PLA2G4F: variants seen among roughly 807,000 people sequenced by gnomAD.
PLA2G4F encodes cytosolic phospholipase A2 zeta.
A neutral mutation model predicts 103.1 loss-of-function variants in PLA2G4F; 105 were observed. That is an observed-to-expected ratio of 1.02 (90% CI 0.87 to 1.20). PLA2G4F has a LOEUF of 1.20. Ranked by LOEUF, PLA2G4F falls within the 50% of genes most tolerant of loss-of-function variation. The probability of loss-of-function intolerance (pLI) is 0.00; values close to 1 mark genes in which losing one functional copy is unlikely to be tolerated. For synonymous variants in PLA2G4F, 468 were observed against 441.1 expected (o/e 1.06, Z -0.76); for missense variants, 1,155 against 1,075.9 (o/e 1.07, Z -1.03).
rs767731432 is a variant in PLA2G4F at position 42,147,666 on chromosome 15, C to A, written c.1156G>T (p.Asp386Tyr). The change falls in exon 12 of 20, where the codon GAC (aspartate) becomes TAC (tyrosine). Residue 386 changes from aspartate to tyrosine, a missense_variant. Asp to Tyr is a radical substitution (Grantham distance 160, BLOSUM62 -3). Transcript: ENST00000397272. The part of the protein sequence containing the change: ...LAGLQELGLL[D>Y]TVTYLSGVSG... ...ACCCCACTCAGGTAGGTCACAGTGT[C>A]TAGAAGGCCGAGCTCCTGCAACCCT... The A allele has an allele frequency of 6.2e-6, 10 of 1,614,110 alleles. No homozygotes were observed. The South Asian group carries it at 1.1e-4, about 18-fold the overall frequency.
rs749054417 is a variant in PLA2G4F at position 42,155,588 on chromosome 15, C to G, written c.113G>C (p.Arg38Pro). Reference protein sequence around the residue: ...KRGPLWRHWRRETYPYYDLQV... With the variant: ...KRGPLWRHWRPETYPYYDLQV... ...GAGGTCATAGTATGGGTAGGTTTCC[C>G]GCTGCAATAACAGAACTCCAGGGAC... Residue 38 changes from arginine to proline, a missense_variant and splice_region_variant, in exon 2 of 20, where the codon CGG becomes CCG. Arg to Pro is a moderately radical substitution (Grantham distance 103). Coordinates refer to ENST00000397272, the MANE Select transcript of PLA2G4F (RefSeq NM_213600.4). 6.2e-7 allele frequency: 1 copy of G among 1,613,884 alleles called. No homozygotes were observed. Among genetic ancestry groups the G allele is most frequent in the Non-Finnish European group, 8.5e-7 (1 of 1,179,812 alleles).
chr15:42,144,410 G>C, intron 17 of PLA2G4F, 40 bp downstream of exon 17: 1 of 1,604,058 alleles, frequency 6.2e-7, no homozygotes, highest in Non-Finnish European at 8.5e-7. Flanking sequence ...GTGCAGGCAG[G>C]AAGGGAAGCC....
rs376356935 is a variant in PLA2G4F, at chr15:42,140,989, G to A, written c.*995C>T. 1 of 340,534 alleles carries A rather than the reference G, an allele frequency of 2.9e-6. No individual in the cohort carries two copies. Among genetic ancestry groups the A allele is most frequent in the Admixed American group, 3.8e-5 (1 of 26,358 alleles). The allele number at this position is 340,534 out of a possible 1,614,324, so 21.1% of individuals were successfully genotyped here. A position where few individuals can be genotyped will look rare whatever the true frequency, so the allele number is the denominator to read the frequency against. On this transcript the variant is annotated 3_prime_UTR_variant, in exon 20 of 20. Coordinates refer to ENST00000397272, the MANE Select transcript of PLA2G4F (RefSeq NM_213600.4). The stretch of plus-strand genomic sequence containing the variant: ...TATTTGGAGAGTCCCTGGCGGGTCA[G>A]GGGAAATGGAGAAGAGGGAGAGTGA...
intron 19 of PLA2G4F, 86 bp from the exon 20 acceptor site, chr15:42,142,290 G>A (rs1199178307): frequency 4.5e-6 from 6 of 1,344,828 alleles, no homozygotes; most frequent in Non-Finnish European, 6.1e-6. Context: ...CCTTGTGCAG[G>A]ACACCTGGCT....
At position 42,151,612 on chromosome 15, in the gene PLA2G4F, C is replaced by T. The variant is rs1049452514; in HGVS notation, c.602-835G>A. 12 of 985,218 alleles carry T rather than the reference C, an allele frequency of 1.2e-5. No individual in the cohort carries two copies. The African/African-American group carries it at 2.1e-4, about 17-fold the overall frequency. 61.0% of individuals were successfully genotyped at this position (985,218 alleles called of 1,614,324 possible). A position where few individuals can be genotyped will look rare whatever the true frequency, so the allele number is the denominator to read the frequency against. ...CAGAGGAGTCCCTGCCCTACAGCCC[C>T]TCCTTGCACTAGATGAGGCCCGGAG... On this transcript the variant is annotated intron_variant, in intron 7 of 19. Transcript: ENST00000397272.
chr15:42,141,794 C>G lies in PLA2G4F; in HGVS notation c.*190G>C. Reference sequence around the variant, plus strand: ...ACTGCCCATCTTCTCCAAAAACACACAAGGAGAGCCCTGCCCCAGTCCAAG... The same window carrying G: ...ACTGCCCATCTTCTCCAAAAACACAGAAGGAGAGCCCTGCCCCAGTCCAAG... On this transcript the variant is annotated 3_prime_UTR_variant, in exon 20 of 20. Transcript: ENST00000397272. The G allele has an allele frequency of 1.6e-6, 1 of 636,842 alleles. No individual in the cohort carries two copies. The highest frequency in any genetic ancestry group is 2.8e-6 in the Non-Finnish European group (1 of 360,766). The allele number at this position is 636,842 out of a possible 1,614,324, so 39.4% of individuals were successfully genotyped here. A position where few individuals can be genotyped will look rare whatever the true frequency, so the allele number is the denominator to read the frequency against.
chr15:42,148,047 T>C (rs929363858), intron 11 of PLA2G4F, among the ~76,000 whole-genome samples: 1 of 151,928 alleles, frequency 6.6e-6, no homozygotes, highest in Admixed American at 6.6e-5. Context: ...GGCATGGTGG[T>C]GGGCGCCTGC....
Position 42,147,358 on chromosome 15 carries a change from AGGTGT to A in PLA2G4F, c.1197-17_1197-13del. 6.2e-7 allele frequency: 1 copy of A among 1,601,036 alleles called. No homozygotes were observed. Among genetic ancestry groups the A allele is most frequent in the South Asian group, 1.1e-5 (1 of 90,908 alleles). On this transcript the variant is annotated splice_polypyrimidine_tract_variant and intron_variant, in intron 12 of 19. Coordinates refer to ENST00000397272, the MANE Select transcript of PLA2G4F (RefSeq NM_213600.4). ...GTGTGGAGATGCACCTGGGGATTGG[AGGTGT>A]GCCTGAGTCAGGGGCAGGAGAGCAC... is the stretch of plus-strand genomic sequence containing the variant.
chr15:42,146,184 A>T lies in PLA2G4F; in HGVS notation c.1477T>A (p.Tyr493Asn). 2 of 1,614,236 alleles carry T rather than the reference A, an allele frequency of 1.2e-6. No individual in the cohort carries two copies. Among genetic ancestry groups the T allele is most frequent in the Non-Finnish European group, 1.7e-6 (2 of 1,180,048 alleles). ...QEAVRQGQNP[Y>N]PIYTSVNVRT... ...ACGTTGACACTGGTGTAAATGGGGT[A>T]AGGGTTCTGACCCTGGCGGACCGCC... The change falls in exon 14 of 20, where the codon TAC (tyrosine) becomes AAC (asparagine). Residue 493 changes from tyrosine to asparagine, a missense_variant. Tyr to Asn is a moderately radical substitution (Grantham distance 143, BLOSUM62 -2). Around this residue, in one of 3 missense-constraint regions of PLA2G4F, gnomAD observed 782 missense variants for 692.9 expected, o/e 1.13. Coordinates refer to ENST00000397272, the MANE Select transcript of PLA2G4F (RefSeq NM_213600.4).
In PLA2G4F at chr15:42,155,588, C is replaced by T. The variant is rs749054417; in HGVS notation, c.113G>A (p.Arg38Gln). ...KRGPLWRHWRRETYPYYDLQV... is the reference protein window; with the variant it reads ...KRGPLWRHWRQETYPYYDLQV... ...GAGGTCATAGTATGGGTAGGTTTCC[C>T]GCTGCAATAACAGAACTCCAGGGAC... Residue 38 changes from arginine (R) to glutamine (Q), a missense_variant and splice_region_variant, in exon 2 of 20, where the codon CGG becomes CAG. Physicochemically the swap from Arg to Gln is conservative, Grantham distance 43. This residue lies in a region of PLA2G4F where 370 missense variants were observed against 364.9 expected (regional missense o/e 1.01). Transcript: ENST00000397272. 6.8e-6 allele frequency: 11 copies of T among 1,613,884 alleles called. No individual in the cohort carries two copies. In the South Asian group the frequency reaches 7.7e-5, roughly 11 times the overall value.
At chr15:42,152,022 C>T (rs1372551566) in intron 7 of PLA2G4F, among the ~76,000 whole-genome samples, 1 of 152,236 alleles carries the variant, frequency 6.6e-6, no homozygotes, top group Non-Finnish European at 1.5e-5. Flanking sequence ...CTGGAAGGGG[C>T]CTTTGCTGTC....
rs771318726 is a variant in PLA2G4F, at chr15:42,147,628, G to C, written c.1194C>G (p.Thr398=). 15 of 1,613,816 alleles carry C rather than the reference G, an allele frequency of 9.3e-6. No individual in the cohort carries two copies. The East Asian group carries it at 2.9e-4, about 31-fold the overall frequency. Residue 398 remains threonine, a splice_region_variant and synonymous_variant, in exon 12 of 20, where the codon ACC becomes ACG. Coordinates refer to ENST00000397272, the MANE Select transcript of PLA2G4F (RefSeq NM_213600.4). Reference sequence around the variant, plus strand: ...TGCCCTGCCCCCACCTCACTTACCAGGTAGACCCAGAGACCCCACTCAGGT... The same window carrying C: ...TGCCCTGCCCCCACCTCACTTACCACGTAGACCCAGAGACCCCACTCAGGT... ...VTYLSGVSGS[T]WCISTLYRDP...
Position 42,146,230 on chromosome 15 carries a change from G to A in PLA2G4F, c.1431C>T (p.Ala477=). Residue 477 remains alanine, a synonymous_variant, in exon 14 of 20, where the codon GCC becomes GCT. Transcript: ENST00000397272. ...CCGCCTCCTGTTGGTCAGACAGCTT[G>A]GCAGGGTTCTCCTGGGCAGGAAAGA... ...EYLLYQEENP[A]KLSDQQEAVR... The A allele has an allele frequency of 6.2e-7, 1 of 1,614,194 alleles. No homozygotes were observed. The highest frequency in any genetic ancestry group is 2.2e-5 in the East Asian group (1 of 44,888).
In PLA2G4F at chr15:42,144,053, G is replaced by C; in HGVS notation, c.2067C>G (p.Phe689Leu). The part of the protein sequence containing the change: ...VDGGFAINSP[F>L]PLALLPQRAV... ...CTCTCTGAGGCAGCAGAGCCAGTGG[G>C]AACGGAGAGTTGATGGCAAAGCCTC... The change falls in exon 18 of 20, where the codon TTC (phenylalanine) becomes TTG (leucine). Residue 689 changes from phenylalanine (F) to leucine (L), a missense_variant. Coordinates refer to ENST00000397272, the MANE Select transcript of PLA2G4F (RefSeq NM_213600.4). 1 of 1,614,112 alleles carries C rather than the reference G, an allele frequency of 6.2e-7. No homozygotes were observed. Among genetic ancestry groups the C allele is most frequent in the Non-Finnish European group, 8.5e-7 (1 of 1,179,982 alleles).
chr15:42,142,354 G>A (rs1763563876), intron 19 of PLA2G4F, 150 bp from the exon 20 acceptor site: 2 of 1,164,350 alleles, frequency 1.7e-6, no homozygotes, highest in Non-Finnish European at 2.4e-6. Flanking sequence ...CCCCCCAGGA[G>A]GGGCTGGCCC....
intron 19 of PLA2G4F, 85 bp from the exon 20 acceptor site, chr15:42,142,289 G>A (rs1434390448): frequency 6.7e-6 from 9 of 1,349,312 alleles, no homozygotes; most frequent in Non-Finnish European, 9.1e-6. Flanking sequence ...TCCTTGTGCA[G>A]GACACCTGGC....
Position 42,150,754 on chromosome 15 carries a change from C to G in PLA2G4F, c.625G>C (p.Val209Leu). Reference sequence around the variant, plus strand: ...TGTGGCTTCTCGTAGGCTCCAGGCACTGCCAGCTGGAGCTGCCTAGAGCCT... The same window carrying G: ...TGTGGCTTCTCGTAGGCTCCAGGCAGTGCCAGCTGGAGCTGCCTAGAGCCT... ...EYGSRQLQLA[V>L]PGAYEKPQLL... The change falls in exon 8 of 20, where the codon GTG (valine) becomes CTG (leucine). Residue 209 changes from valine to leucine, a missense_variant. Coordinates refer to ENST00000397272, the MANE Select transcript of PLA2G4F (RefSeq NM_213600.4). The G allele has an allele frequency of 6.2e-7, 1 of 1,609,440 alleles. No individual in the cohort carries two copies. The highest frequency in any genetic ancestry group is 8.5e-7 in the Non-Finnish European group (1 of 1,178,646).
chr15:42,154,701 C>T (rs765281817), intron 2 of PLA2G4F, among the ~76,000 whole-genome samples: 2 of 152,174 alleles, frequency 1.3e-5, no homozygotes, highest in Non-Finnish European at 2.9e-5. Flanking sequence ...CATGGCAGCA[C>T]AGACCATTAA....
chr15:42,155,054 T>C (rs2049000679), intron 2 of PLA2G4F, among the ~76,000 whole-genome samples: 1 of 151,600 alleles, frequency 6.6e-6, no homozygotes, highest in Non-Finnish European at 1.5e-5. Context: ...GCACTCACTG[T>C]CATGTATACA....
Sources: allele counts gnomAD v4.1 joint callset (sites outside exome capture counted in the v4.1 genomes callset), GRCh38; gene constraint gnomAD v4.1.1; regional missense constraint gnomAD v4.1.1; transcripts MANE v1.5; gene names NCBI Gene and HGNC (gene_info 2026-07-23, HGNC 2026-07-21).